Variants in TOX2 observed in about 807,000 individuals in gnomAD.
TOX2 encodes granulosa cell HMG box 1.
TOX2 carries 15 observed loss-of-function variants against 47.4 expected under a neutral mutation model. That is an observed-to-expected ratio of 0.32 (90% CI 0.21 to 0.49). The LOEUF is 0.49. Ranked by LOEUF, TOX2 falls within the 20% of genes least tolerant of loss-of-function variation. The pLI, the probability that TOX2 is intolerant of heterozygous loss-of-function variation, is 0.99. For missense variants in TOX2, 622 were observed against 673.1 expected (o/e 0.92, Z 0.84); for synonymous variants, 290 against 296.6 (o/e 0.98, Z 0.23).
chr20:44,019,859 C>A (rs1028113340), intron 3 of TOX2, among the ~76,000 whole-genome samples: 3 of 152,172 alleles, frequency 2.0e-5, no homozygotes, highest in Admixed American at 6.5e-5. Flanking sequence ...GTTGAATGGA[C>A]AAAACCTAAA....
intron 2 of TOX2, among the ~76,000 whole-genome samples, chr20:43,977,741 A>T (rs760485310): frequency 3.4e-4 from 51 of 152,084 alleles, no homozygotes; most frequent in Admixed American, 3.9e-4. Context: ...TGAGAATGAG[A>T]TATAATTCTC....
intron 3 of TOX2, among the ~76,000 whole-genome samples, chr20:44,029,487 C>T (rs536609768): frequency 1.3e-5 from 2 of 152,260 alleles, no homozygotes; most frequent in Non-Finnish European, 2.9e-5. Flanking sequence ...GAGCCATGAA[C>T]CTCACCTCTT....
At chr20:43,965,039 G>A (rs1452056440) in intron 1 of TOX2, among the ~76,000 whole-genome samples, 3 of 152,128 alleles carry the variant, frequency 2.0e-5, no homozygotes, top group Admixed American at 1.3e-4. Context: ...ATTCAATATC[G>A]AAAGCAAGAA....
chr20:43,994,536 A>C (rs2070434894), intron 2 of TOX2, among the ~76,000 whole-genome samples: 1 of 151,548 alleles, frequency 6.6e-6, no homozygotes, highest in Non-Finnish European at 1.5e-5. Flanking sequence ...TGCCTGCTTC[A>C]GGCTGCCTCT....
intron 1 of TOX2, chr20:43,945,904 C>G (rs749914069): frequency 6.2e-7 from 1 of 1,611,842 alleles, no homozygotes; most frequent in Non-Finnish European, 8.5e-7. Flanking sequence ...TCCTCTTTCT[C>G]TGCTGATTAT....
intron 1 of TOX2, among the ~76,000 whole-genome samples, chr20:43,961,119 C>A (rs2069751282): frequency 6.6e-6 from 1 of 152,238 alleles, no homozygotes; most frequent in Non-Finnish European, 1.5e-5. Context: ...TACGGGGTGC[C>A]CCCATGGCAG....
chr20:44,064,726 A>G (rs746571111), intron 5 of TOX2, 51 bp from the exon 6 acceptor site: 1 of 1,571,564 alleles, frequency 6.4e-7, no homozygotes, highest in East Asian at 2.2e-5. Context: ...CCTGCACGGC[A>G]TCTCCTCTGT....
chr20:43,947,850 C>T (rs1448324881), intron 1 of TOX2, among the ~76,000 whole-genome samples: 1 of 152,172 alleles, frequency 6.6e-6, no homozygotes, highest in Non-Finnish European at 1.5e-5. Flanking sequence ...TGCTGAGAGC[C>T]CCTGGCTGGG....
At chr20:44,042,006 A>T (rs889229801) in intron 3 of TOX2, among the ~76,000 whole-genome samples, 2 of 152,248 alleles carry the variant, frequency 1.3e-5, no homozygotes, top group African/African-American at 4.8e-5. Context: ...CAGGTAAAAC[A>T]TGTGTATTAG....
intron 1 of TOX2, among the ~76,000 whole-genome samples, chr20:43,927,638 T>TCCTTCCTCC (rs2069190468): frequency 8.2e-6 from 1 of 122,606 alleles, no homozygotes; most frequent in Non-Finnish European, 1.6e-5. Flanking sequence ...CTTCCTTCCT[T>TCCTTCCTCC]CCTCCCCTTC....
At chr20:44,020,911 G>A (rs2070965582) in intron 3 of TOX2, among the ~76,000 whole-genome samples, 1 of 152,122 alleles carries the variant, frequency 6.6e-6, no homozygotes, top group Non-Finnish European at 1.5e-5. Flanking sequence ...CTCGAGGACC[G>A]ACACCTCTGC....
chr20:43,970,441 A>T (rs2069944753), intron 1 of TOX2, among the ~76,000 whole-genome samples: 1 of 152,280 alleles, frequency 6.6e-6, no homozygotes, highest in Non-Finnish European at 1.5e-5. Flanking sequence ...TGTTCTCACC[A>T]GCATTTAATA....
At chr20:43,981,935 CTT>C (rs71337843) in intron 2 of TOX2, among the ~76,000 whole-genome samples, 41 of 137,730 alleles carry the variant, frequency 3.0e-4, no homozygotes, top group African/African-American at 3.7e-4. Flanking sequence ...AAGGGATTTT[CTT>C]TTTTTTTTTT....
chr20:43,986,893 C>T (rs186467657), intron 2 of TOX2, among the ~76,000 whole-genome samples: 1 of 152,006 alleles, frequency 6.6e-6, no homozygotes, highest in Admixed American at 6.6e-5. Flanking sequence ...TAGTGAGACC[C>T]CTGTTTTAAA....
At chr20:43,926,807 A>G (rs780161101) in intron 1 of TOX2, among the ~76,000 whole-genome samples, 3 of 152,214 alleles carry the variant, frequency 2.0e-5, no homozygotes, top group Non-Finnish European at 4.4e-5. Context: ...TCCTCGAAAG[A>G]TTTGGGACAC....
rs73613448 is a variant in TOX2 at position 44,014,094 on chromosome 20, G to T, written c.411+7302G>T. Among the ~76,000 whole-genome samples, 253 of 122,860 alleles carry T rather than the reference G, an allele frequency of 2.1e-3. 6 individuals are homozygous for T. The East Asian group carries it at 0.061, about 29-fold the overall frequency. The allele number at this position is 122,860 out of a possible 152,430, so 80.6% of individuals were successfully genotyped here. On this transcript the variant is annotated intron_variant, in intron 3 of 8. Transcript: ENST00000341197. The stretch of plus-strand genomic sequence containing the variant: ...GCAGTGAGCCAAGATCATGCCACTT[G>T]CACTCCAGCGTGGGTGACAGAGTGA...
chr20:43,995,599 G>A (rs369406766), intron 2 of TOX2, among the ~76,000 whole-genome samples: 14 of 152,046 alleles, frequency 9.2e-5, no homozygotes, highest in East Asian at 5.8e-4. Flanking sequence ...TTTGATGTAC[G>A]GATTATTTTG....
chr20:43,966,242 T>TA (rs1435327555), intron 1 of TOX2, among the ~76,000 whole-genome samples: 1 of 152,214 alleles, frequency 6.6e-6, no homozygotes, highest in Non-Finnish European at 1.5e-5. Flanking sequence ...TCAATGCTGT[T>TA]ACCCAGTATG....
intron 3 of TOX2, among the ~76,000 whole-genome samples, chr20:44,026,877 T>A (rs531122575): frequency 6.6e-6 from 1 of 152,084 alleles, no homozygotes; most frequent in South Asian, 2.1e-4. Context: ...CACCCACAAC[T>A]CTCCTGGGAA....
Sources: allele counts gnomAD v4.1 joint callset (sites outside exome capture counted in the v4.1 genomes callset), GRCh38; gene constraint gnomAD v4.1.1; transcripts MANE v1.5; gene names NCBI Gene and HGNC (gene_info 2026-07-23, HGNC 2026-07-21).